DOCK6: variants seen among roughly 807,000 people sequenced by gnomAD.
The protein encoded by DOCK6 is dedicator of cytokinesis protein 6.
In DOCK6, 167 loss-of-function variants were observed where a neutral mutation model predicts 230.3. The ratio of observed to expected loss-of-function variants is 0.73; its 90% confidence interval spans 0.64 to 0.82. The LOEUF is 0.82. DOCK6 is among the 40% of genes least tolerant of loss of function. The pLI, the probability that DOCK6 is intolerant of heterozygous loss-of-function variation, is 0.00. For synonymous variants in DOCK6, 1,148 were observed against 1,185.0 expected, an observed-to-expected ratio of 0.97 and a Z score of 0.64; for missense variants, 2,598 against 2,825.8, an observed-to-expected ratio of 0.92 and a Z score of 1.83.
At chr19:11,229,321 G>T (rs770884684) in intron 22 of DOCK6, 1 of 1,180,866 alleles carries the variant, frequency 8.5e-7, no homozygotes, top group East Asian at 4.2e-5. Flanking sequence ...GGTCTCAGCT[G>T]GGTGGCTGGT....
intron 14 of DOCK6, 154 bp downstream of exon 14, chr19:11,241,891 T>A: frequency 8.0e-7 from 1 of 1,256,566 alleles, no homozygotes; most frequent in Non-Finnish European, 1.1e-6. Flanking sequence ...AGGAAGGACA[T>A]GTACCCTTTC....
At chr19:11,229,153 G>T in intron 22 of DOCK6, 118 bp from the exon 23 acceptor site, 1 of 1,226,960 alleles carries the variant, frequency 8.2e-7, no homozygotes, top group Non-Finnish European at 1.1e-6. Flanking sequence ...GCAGGAGCCA[G>T]GCAGGAGGAG....
intron 1 of DOCK6, among the ~76,000 whole-genome samples, chr19:11,262,077 G>A (rs2080299577): frequency 6.6e-6 from 1 of 152,070 alleles, no homozygotes; most frequent in African/African-American, 2.4e-5. Flanking sequence ...AGGGAGTTCA[G>A]GGGGCGCCCG....
chr19:11,200,173 G>A lies in DOCK6; in HGVS notation c.6101+135C>T, dbSNP rs562794846. The A allele has an allele frequency of 9.2e-5, 83 of 905,572 alleles. No homozygotes were observed. The South Asian group carries it at 1.2e-3, about 13-fold the overall frequency. 56.1% of individuals were successfully genotyped at this position (905,572 alleles called of 1,614,324 possible). A position where few individuals can be genotyped will look rare whatever the true frequency, so the allele number is the denominator to read the frequency against. ...CAAAAAAAAAAACAAAAAAAAAACCGGAAACAAAACAAAGTCCAAGCTACC... is the reference window on the plus strand; with the variant it reads ...CAAAAAAAAAAACAAAAAAAAAACCAGAAACAAAACAAAGTCCAAGCTACC... On this transcript the variant is annotated intron_variant, in intron 47 of 47. Transcript: ENST00000294618. The surrounding 1 kb of genome is among the most constrained non-coding windows in gnomAD (Gnocchi z 4.3).
intron 36 of DOCK6, 21 bp from the exon 37 acceptor site, chr19:11,211,897 G>T: frequency 6.4e-7 from 1 of 1,557,646 alleles, no homozygotes; most frequent in Non-Finnish European, 8.7e-7. Context: ...GGAACGTCCA[G>T]GGGCCAATGA....
chr19:11,208,470 A>G (rs2079300995), intron 39 of DOCK6: 5 of 503,810 alleles, frequency 9.9e-6, no homozygotes, highest in African/African-American at 1.9e-5. Context: ...TAGTAGAGAC[A>G]GGGTTTCACC....
chr19:11,257,995 T>C (rs755837430), intron 1 of DOCK6, among the ~76,000 whole-genome samples: 2 of 151,912 alleles, frequency 1.3e-5, no homozygotes, highest in Non-Finnish European at 2.9e-5. Flanking sequence ...TTAAGCAAGG[T>C]TGAAAATATG....
chr19:11,241,646 A>G (rs1177813164), intron 14 of DOCK6: 1 of 1,573,016 alleles, frequency 6.4e-7, no homozygotes, highest in South Asian at 1.2e-5. Context: ...GCTGAGCCAC[A>G]TCTCCCTCCC....
intron 38 of DOCK6, 26 bp from the exon 39 acceptor site, chr19:11,208,855 C>A: frequency 1.9e-6 from 3 of 1,606,004 alleles, no homozygotes; most frequent in Non-Finnish European, 2.6e-6. Context: ...TGGCGTCAGA[C>A]CCTGGTCCCC....
chr19:11,200,273 T>C lies in DOCK6; in HGVS notation c.6101+35A>G. ...TCCTGGTCTGCCTCTGCATCCCCTCTCTAGTCTCTAGGATGGGGGCACTAG... is the reference window on the plus strand; with the variant it reads ...TCCTGGTCTGCCTCTGCATCCCCTCCCTAGTCTCTAGGATGGGGGCACTAG... On this transcript the variant is annotated intron_variant, in intron 47 of 47. Coordinates refer to ENST00000294618, the MANE Select transcript of DOCK6 (RefSeq NM_020812.4). This position sits in a 1 kb window ranked among gnomAD's most constrained non-coding sequence, Gnocchi z 4.3. 1 of 1,543,834 alleles carries C rather than the reference T, an allele frequency of 6.5e-7. No homozygotes were observed. Among genetic ancestry groups the C allele is most frequent in the Non-Finnish European group, 8.7e-7 (1 of 1,143,308 alleles).
At position 11,229,462 on chromosome 19, in the gene DOCK6, A is replaced by G. The variant is rs1035656901; in HGVS notation, c.2719-427T>C. Reference sequence around the variant, plus strand: ...GAAGGGGTATGTGGTTGGAGGAAAGACGTGTTCACACAGACAGGGATGGGG... The same window carrying G: ...GAAGGGGTATGTGGTTGGAGGAAAGGCGTGTTCACACAGACAGGGATGGGG... On this transcript the variant is annotated intron_variant, in intron 22 of 47. Transcript: ENST00000294618. 5.5e-6 allele frequency: 4 copies of G among 724,174 alleles called. No individual in the cohort carries two copies. In the African/African-American group the frequency reaches 7.8e-5, roughly 14 times the overall value. The allele number at this position is 724,174 out of a possible 1,614,324, so 44.9% of individuals were successfully genotyped here. A position where few individuals can be genotyped will look rare whatever the true frequency, so the allele number is the denominator to read the frequency against.
chr19:11,256,679 T>A (rs1274145128), intron 1 of DOCK6, among the ~76,000 whole-genome samples: 5 of 152,096 alleles, frequency 3.3e-5, no homozygotes, highest in East Asian at 1.9e-4. Context: ...TTTAAAAAAA[T>A]TTTATTTATT....
rs1273584860 is a variant in DOCK6, at chr19:11,204,343, G to A, written c.5089-12C>T. ...TCGTAGAGCCCGCCCTGAGGGTGAG[G>A]TGGGGTCAGGATTCCCCAAACTGTC... is the stretch of plus-strand genomic sequence containing the variant. On this transcript the variant is annotated splice_polypyrimidine_tract_variant and intron_variant, in intron 39 of 47. Transcript: ENST00000294618. The A allele has an allele frequency of 1.9e-6, 3 of 1,610,140 alleles. No individual in the cohort carries two copies. Among genetic ancestry groups the A allele is most frequent in the Non-Finnish European group, 2.5e-6 (3 of 1,177,612 alleles).
chr19:11,209,885 AC>A (rs1410896856), intron 37 of DOCK6, among the ~76,000 whole-genome samples: 2 of 57,538 alleles, frequency 3.5e-5, no homozygotes, highest in African/African-American at 7.6e-5. Flanking sequence ...TCACCTGTCC[AC>A]CCCCTCACCT....
intron 9 of DOCK6, among the ~76,000 whole-genome samples, chr19:11,244,264 C>G (rs1038608393): frequency 2.3e-4 from 35 of 152,090 alleles, no homozygotes; most frequent in African/African-American, 8.0e-4. Flanking sequence ...CTGCCTCTGC[C>G]TCCCAAAGTG....
At chr19:11,211,697 G>C in intron 37 of DOCK6, 79 bp downstream of exon 37, 1 of 1,162,404 alleles carries the variant, frequency 8.6e-7, no homozygotes, top group South Asian at 1.4e-5. Context: ...CACCTCCTTA[G>C]ACATCTACTC....
chr19:11,260,896 G>GAAAAAAA (rs2080276084), intron 1 of DOCK6, among the ~76,000 whole-genome samples: 9 of 50,584 alleles, frequency 1.8e-4, no homozygotes, highest in East Asian at 1.6e-3. Context: ...AAAAAAAAAA[G>GAAAAAAA]AAAGAAAGAA....
In DOCK6 at chr19:11,214,559, GA is replaced by G. The variant is rs764594696; in HGVS notation, c.4196del (p.Ile1399ThrfsTer5). 1.2e-6 allele frequency: 2 copies of G among 1,613,874 alleles called. No homozygotes were observed. Among genetic ancestry groups the G allele is most frequent in the Non-Finnish European group, 1.7e-6 (2 of 1,179,860 alleles). On this transcript the variant is annotated frameshift_variant, in exon 33 of 48. Coordinates refer to ENST00000294618, the MANE Select transcript of DOCK6 (RefSeq NM_020812.4). LOFTEE classifies it high-confidence loss of function. Reference protein sequence around the residue: ...SLVVLDTLEIIVQTVMLSEAR... With the variant: ...SLVVLDTLEIXVQTVMLSEAR... The stretch of plus-strand genomic sequence containing the variant: ...ATGCTGGATCAAGCCCTACCTGCAC[GA>G]TGATCTCCAGTGTGTCCAGAACCAC...
intron 39 of DOCK6, 107 bp downstream of exon 39, chr19:11,208,579 T>C (rs941718918): frequency 2.1e-5 from 31 of 1,467,186 alleles, no homozygotes; most frequent in Non-Finnish European, 2.8e-5. Context: ...GCGCCCAGCC[T>C]ATTCTCCTTC....
Sources: allele counts gnomAD v4.1 joint callset (sites outside exome capture counted in the v4.1 genomes callset), GRCh38; gene constraint gnomAD v4.1.1; non-coding constraint Gnocchi (gnomAD v3.1); transcripts MANE v1.5; gene names NCBI Gene and HGNC (gene_info 2026-07-23, HGNC 2026-07-21).